Variants in PAK5 observed in about 807,000 individuals in gnomAD.
PAK5 encodes the protein serine/threonine-protein kinase PAK 5.
In PAK5, 16 loss-of-function variants were observed where a neutral mutation model predicts 65.9. The ratio of observed to expected loss-of-function variants is 0.24; its 90% confidence interval spans 0.16 to 0.37. PAK5 has a LOEUF of 0.37. Ranked by LOEUF, PAK5 falls within the 10% of genes least tolerant of loss-of-function variation. PAK5 has a pLI of 1.00. For missense variants in PAK5, 785 were observed against 903.9 expected (o/e 0.87, Z 1.69); for synonymous variants, 371 against 354.9 (o/e 1.05, Z -0.51).
intron 1 of PAK5, among the ~76,000 whole-genome samples, chr20:9,757,176 T>C (rs2048644387): frequency 6.6e-6 from 1 of 152,168 alleles, no homozygotes; most frequent in African/African-American, 2.4e-5. Context: ...ATACTTGTGT[T>C]AGAATCCTTT....
intron 3 of PAK5, among the ~76,000 whole-genome samples, chr20:9,611,321 C>G (rs555094536): frequency 6.6e-6 from 1 of 152,332 alleles, no homozygotes; most frequent in East Asian, 1.9e-4. Flanking sequence ...AACATAAAGT[C>G]CTGTTGTGAA....
chr20:9,607,101 G>A (rs1029391358), intron 3 of PAK5, among the ~76,000 whole-genome samples: 1 of 152,154 alleles, frequency 6.6e-6, no homozygotes, highest in Non-Finnish European at 1.5e-5. Context: ...TTACAGAGGG[G>A]AAAAGAGTAA....
chr20:9,657,094 C>T (rs76833989), intron 2 of PAK5, among the ~76,000 whole-genome samples: 2 of 152,138 alleles, frequency 1.3e-5, no homozygotes, highest in Non-Finnish European at 2.9e-5. Flanking sequence ...GTGTATAGAA[C>T]TGTTCTATCC....
chr20:9,712,452 A>G (rs2048089356), intron 1 of PAK5, among the ~76,000 whole-genome samples: 1 of 152,182 alleles, frequency 6.6e-6, no homozygotes, highest in African/African-American at 2.4e-5. Flanking sequence ...TGTCCTATTA[A>G]AAAGACAAAT....
At chr20:9,696,245 G>A (rs1201122050) in intron 2 of PAK5, among the ~76,000 whole-genome samples, 1 of 152,070 alleles carries the variant, frequency 6.6e-6, no homozygotes, top group Non-Finnish European at 1.5e-5. Context: ...TTCTCAAGGT[G>A]CAACCTCTGG....
chr20:9,799,289 T>A (rs1012896009), intron 1 of PAK5, among the ~76,000 whole-genome samples: 1 of 152,202 alleles, frequency 6.6e-6, no homozygotes, highest in Admixed American at 6.5e-5. Flanking sequence ...CTTTTTTCAC[T>A]GCTGTCCACT....
At position 9,538,800 on chromosome 20, in the gene PAK5, A is replaced by C. The variant is rs988993218; in HGVS notation, c.*662T>G. The stretch of plus-strand genomic sequence containing the variant: ...TAATTCTTCTTCCACCAAATAAGAC[A>C]CTTGTTAGGATAAGAAAGAGATTTT... On this transcript the variant is annotated 3_prime_UTR_variant, in exon 10 of 10. Transcript: ENST00000353224. The C allele has an allele frequency of 4.3e-6, 1 of 233,330 alleles. No individual in the cohort carries two copies. The highest frequency in any genetic ancestry group is 2.2e-5 in the African/African-American group (1 of 45,326). The allele number at this position is 233,330 out of a possible 1,614,324, so 14.5% of individuals were successfully genotyped here.
At chr20:9,676,386 T>C (rs1045121244) in intron 2 of PAK5, among the ~76,000 whole-genome samples, 2 of 152,362 alleles carry the variant, frequency 1.3e-5, no homozygotes, top group African/African-American at 4.8e-5. Context: ...TTACACTTGA[T>C]CTTTTTATAA....
At chr20:9,575,622 G>A (rs1420492844) in intron 4 of PAK5, 3 of 152,092 alleles carry the variant, frequency 2.0e-5, no homozygotes, top group African/African-American at 4.8e-5. Context: ...TACACTCTGG[G>A]TGACATTAAG....
rs541093894 is a variant in PAK5 at position 9,612,750 on chromosome 20, A to G, written c.204+31375T>C. Among the ~76,000 whole-genome samples the G allele has an allele frequency of 1.4e-4, 21 of 152,154 alleles. 1 individual carries two copies. The South Asian group carries it at 4.4e-3, about 32-fold the overall frequency. Reference sequence around the variant, plus strand: ...AACCATATCACCCAGCTACCCCCAGAGGCGCTCCCTCAACCCATTCTCATC... The same window carrying G: ...AACCATATCACCCAGCTACCCCCAGGGGCGCTCCCTCAACCCATTCTCATC... On this transcript the variant is annotated intron_variant, in intron 3 of 9. Coordinates refer to ENST00000353224, the MANE Select transcript of PAK5 (RefSeq NM_177990.4).
At chr20:9,677,045 ATGTGTGTGTGTGTGTGTGTGTGTGTGTG>A (rs4053117) in intron 2 of PAK5, among the ~76,000 whole-genome samples, 5 of 141,118 alleles carry the variant, frequency 3.5e-5, no homozygotes, top group African/African-American at 1.3e-4. Context: ...GGGTATGTGC[ATGTGTGTGTGTGTGTGTGTGTGTGTGTG>A]TGTGTGTGTG....
At chr20:9,670,117 C>T (rs2047476255) in intron 2 of PAK5, among the ~76,000 whole-genome samples, 1 of 152,156 alleles carries the variant, frequency 6.6e-6, no homozygotes, top group Non-Finnish European at 1.5e-5. Context: ...TTTTTTATGG[C>T]TGCATAGTAT....
chr20:9,665,083 C>CTTTTTTTTTTTTTT (rs1555910631), intron 2 of PAK5, among the ~76,000 whole-genome samples: 4 of 42,582 alleles, frequency 9.4e-5, no homozygotes, highest in Admixed American at 2.6e-4. Context: ...CTAAATTTTT[C>CTTTTTTTTTTTTTT]TGTTTTTTTT....
At position 9,580,687 on chromosome 20, in the gene PAK5, T is replaced by G; in HGVS notation, c.448A>C (p.Ser150Arg). The G allele has an allele frequency of 6.2e-7, 1 of 1,614,096 alleles. No individual in the cohort carries two copies. Among genetic ancestry groups the G allele is most frequent in the Non-Finnish European group, 8.5e-7 (1 of 1,180,018 alleles). ...DYTTEKYREK[S>R]LYGDDLDPYY... ...GGATCCAGATCATCTCCATAGAGAC[T>G]CTTCTCCCTGTACTTTTCGGTCGTG... Residue 150 changes from serine to arginine, a missense_variant, in exon 4 of 10, where the codon AGT becomes CGT. Transcript: ENST00000353224.
At chr20:9,743,140 G>A (rs1462829096) in intron 1 of PAK5, among the ~76,000 whole-genome samples, 2 of 152,188 alleles carry the variant, frequency 1.3e-5, no homozygotes, top group Non-Finnish European at 2.9e-5. Context: ...AGCTGAGGCA[G>A]GAGGATCGCT....
rs1310179333 is a variant in PAK5 at position 9,627,908 on chromosome 20, T to TGAGCCA, written c.204+16211_204+16216dup. Reference sequence around the variant, plus strand: ...TCCCAAAGTGCTGGGATTATAGGCATGAGCCATTGCGCCTGGCCTTTCCAT... The same window carrying TGAGCCA: ...TCCCAAAGTGCTGGGATTATAGGCATGAGCCAGAGCCATTGCGCCTGGCCTTTCCAT... On this transcript the variant is annotated intron_variant, in intron 3 of 9. Coordinates refer to ENST00000353224, the MANE Select transcript of PAK5 (RefSeq NM_177990.4). Among the ~76,000 whole-genome samples, 5 of 152,330 alleles carry TGAGCCA rather than the reference T, an allele frequency of 3.3e-5. No individual in the cohort carries two copies. The East Asian group carries it at 7.7e-4, about 23-fold the overall frequency.
chr20:9,638,507 A>G (rs930394732), intron 3 of PAK5, among the ~76,000 whole-genome samples: 9 of 152,238 alleles, frequency 5.9e-5, no homozygotes, highest in Non-Finnish European at 1.5e-5. Flanking sequence ...ATTCTTTTAT[A>G]CTACTTAAAT....
chr20:9,737,978 TAA>T (rs1300253581), intron 1 of PAK5, among the ~76,000 whole-genome samples: 5 of 151,990 alleles, frequency 3.3e-5, no homozygotes, highest in African/African-American at 1.2e-4. Context: ...CCATCTTTAC[TAA>T]AAATACAAAA....
chr20:9,726,547 T>A (rs2048279726), intron 1 of PAK5, among the ~76,000 whole-genome samples: 1 of 152,156 alleles, frequency 6.6e-6, no homozygotes, highest in Admixed American at 6.5e-5. Context: ...TGATGTTAAC[T>A]AAATGCAGGT....
Sources: allele counts gnomAD v4.1 joint callset (sites outside exome capture counted in the v4.1 genomes callset), GRCh38; gene constraint gnomAD v4.1.1; transcripts MANE v1.5; gene names NCBI Gene and HGNC (gene_info 2026-07-23, HGNC 2026-07-21).